FGF12: variants seen among roughly 807,000 people sequenced by gnomAD.
The protein encoded by FGF12 is fibroblast growth factor 12, also known as fibroblast growth factor 12B.
FGF12 carries 14 observed loss-of-function variants against 23.6 expected under a neutral mutation model. That is an observed-to-expected ratio of 0.59 (90% CI 0.39 to 0.93). FGF12 has a LOEUF of 0.93. Ranked by LOEUF, FGF12 falls within the 40% of genes least tolerant of loss-of-function variation. The probability of loss-of-function intolerance (pLI) is 0.00; values close to 1 mark genes in which losing one functional copy is unlikely to be tolerated. For missense variants in FGF12, 175 were observed against 217.8 expected, an observed-to-expected ratio of 0.80 and a Z score of 1.24; for synonymous variants, 62 against 77.3, an observed-to-expected ratio of 0.80 and a Z score of 1.04.
intron 2 of FGF12, among the ~76,000 whole-genome samples, chr3:192,469,165 C>T (rs1247146638): frequency 6.6e-6 from 1 of 152,146 alleles, no homozygotes; most frequent in Non-Finnish European, 1.5e-5. Flanking sequence ...ATTTTCCCTT[C>T]CCCAGCGCTG....
intron 4 of FGF12, among the ~76,000 whole-genome samples, chr3:192,244,533 A>G (rs903108963): frequency 2.6e-5 from 4 of 152,170 alleles, no homozygotes; most frequent in African/African-American, 7.2e-5. Flanking sequence ...TAATAACTCC[A>G]GCTGACAAAT....
intron 2 of FGF12, among the ~76,000 whole-genome samples, chr3:192,540,160 T>C (rs929136658): frequency 7.9e-5 from 12 of 152,068 alleles, no homozygotes; most frequent in African/African-American, 2.7e-4. Flanking sequence ...CTCTAAACTT[T>C]ATTATTTTTT....
chr3:192,718,674 A>G (rs1718940334), intron 2 of FGF12, among the ~76,000 whole-genome samples: 1 of 152,160 alleles, frequency 6.6e-6, no homozygotes, highest in Non-Finnish European at 1.5e-5. Context: ...CCTGTTACCT[A>G]TGTGGTCACA....
chr3:192,164,881 TAA>T (rs1317773515), intron 5 of FGF12, among the ~76,000 whole-genome samples: 1 of 152,198 alleles, frequency 6.6e-6, no homozygotes, highest in Non-Finnish European at 1.5e-5. Context: ...AATCGTTTTC[TAA>T]AAGTGTCATC....
At chr3:192,247,160 A>G (rs1417972858) in intron 4 of FGF12, among the ~76,000 whole-genome samples, 1 of 152,050 alleles carries the variant, frequency 6.6e-6, no homozygotes, top group Non-Finnish European at 1.5e-5. Context: ...GAGACTGGTG[A>G]TGTGCAATGG....
At chr3:192,266,124 C>T (rs1197013227) in intron 4 of FGF12, among the ~76,000 whole-genome samples, 2 of 152,202 alleles carry the variant, frequency 1.3e-5, no homozygotes, top group Non-Finnish European at 2.9e-5. Flanking sequence ...AAACAAAATA[C>T]TGTATTTTCA....
At chr3:192,713,826 TATG>T (rs1383806809) in intron 2 of FGF12, among the ~76,000 whole-genome samples, 1 of 152,206 alleles carries the variant, frequency 6.6e-6, no homozygotes, top group Non-Finnish European at 1.5e-5. Flanking sequence ...TGCAGTTTGG[TATG>T]ATGTGTCTTC....
At chr3:192,682,352 G>A (rs998762168) in intron 2 of FGF12, among the ~76,000 whole-genome samples, 23 of 151,956 alleles carry the variant, frequency 1.5e-4, no homozygotes, top group Non-Finnish European at 2.2e-4. Flanking sequence ...ATTTCCGTCC[G>A]GGTCCCAAAT....
At chr3:192,347,351 G>C (rs1043168794) in intron 3 of FGF12, among the ~76,000 whole-genome samples, 1 of 152,124 alleles carries the variant, frequency 6.6e-6, no homozygotes, top group Non-Finnish European at 1.5e-5. Context: ...AAGAATTATT[G>C]AATCAAAATT....
At chr3:192,166,145 A>ATATC (rs1257626845) in intron 5 of FGF12, among the ~76,000 whole-genome samples, 1 of 152,234 alleles carries the variant, frequency 6.6e-6, no homozygotes, top group Non-Finnish European at 1.5e-5. Flanking sequence ...TCAAGTGTAC[A>ATATC]TATCTTTGAT....
intron 3 of FGF12, among the ~76,000 whole-genome samples, chr3:192,358,400 A>G (rs147199400): frequency 1.1e-4 from 16 of 152,260 alleles, no homozygotes; most frequent in African/African-American, 3.8e-4. Flanking sequence ...GTTTATCTTA[A>G]TAAAATATTA....
At chr3:192,199,467 A>G (rs979500410) in intron 4 of FGF12, among the ~76,000 whole-genome samples, 1 of 151,904 alleles carries the variant, frequency 6.6e-6, no homozygotes, top group Non-Finnish European at 1.5e-5. Context: ...AAGAAACAGC[A>G]TTGTCTGCAA....
At chr3:192,589,226 T>G (rs1408945351) in intron 2 of FGF12, among the ~76,000 whole-genome samples, 1 of 150,974 alleles carries the variant, frequency 6.6e-6, no homozygotes, top group African/African-American at 2.4e-5. Flanking sequence ...TCCCAGCTAC[T>G]CGGGAGGCTG....
chr3:192,398,386 C>CT (rs749956480), intron 2 of FGF12, among the ~76,000 whole-genome samples: 1,571 of 72,390 alleles, frequency 0.022, 28 homozygotes, highest in African/African-American at 0.069. Flanking sequence ...TTTCTTTTTT[C>CT]TTTTTTTTTT....
intron 2 of FGF12, among the ~76,000 whole-genome samples, chr3:192,373,765 A>G (rs1243720982): frequency 6.6e-6 from 1 of 152,184 alleles, no homozygotes; most frequent in African/African-American, 2.4e-5. Context: ...CATAGAGGCT[A>G]AGATCTCATG....
At chr3:192,632,759 C>T (rs1715435599) in intron 2 of FGF12, among the ~76,000 whole-genome samples, 1 of 152,032 alleles carries the variant, frequency 6.6e-6, no homozygotes, top group Non-Finnish European at 1.5e-5. Flanking sequence ...TATTTGTTTC[C>T]TAGGGTCATC....
chr3:192,634,370 T>C (rs1238304842), intron 2 of FGF12, among the ~76,000 whole-genome samples: 1 of 152,188 alleles, frequency 6.6e-6, no homozygotes, highest in Non-Finnish European at 1.5e-5. Flanking sequence ...GTATAACAAT[T>C]ATCTACATAG....
At chr3:192,577,241 T>C (rs1171340048) in intron 2 of FGF12, among the ~76,000 whole-genome samples, 1 of 152,220 alleles carries the variant, frequency 6.6e-6, no homozygotes, top group Non-Finnish European at 1.5e-5. Flanking sequence ...ATGGTAGCCA[T>C]GCTCTTTCTG....
At chr3:192,691,810 C>T (rs892005512) in intron 2 of FGF12, among the ~76,000 whole-genome samples, 13 of 147,620 alleles carry the variant, frequency 8.8e-5, no homozygotes, top group Non-Finnish European at 1.8e-4. Context: ...AAAAAAGACA[C>T]GAGATAAAAA....
Sources: allele counts gnomAD v4.1 joint callset (sites outside exome capture counted in the v4.1 genomes callset), GRCh38; gene constraint gnomAD v4.1.1; transcripts MANE v1.5; gene names NCBI Gene and HGNC (gene_info 2026-07-23, HGNC 2026-07-21).